TG: variants seen among roughly 807,000 people sequenced by gnomAD.
TG encodes thyroid hormones.
Under a neutral mutation model 324.7 loss-of-function variants are expected in TG, and 270 were observed. The ratio of observed to expected loss-of-function variants is 0.83; its 90% CI spans 0.75 to 0.92. The LOEUF (loss-of-function observed/expected upper bound fraction) is 0.92. Among genes scored for constraint, TG ranks in the 40% least tolerant of loss-of-function variants. The pLI, the probability that TG is intolerant of heterozygous loss-of-function variation, is 0.00. For synonymous variants in TG, 1,401 were observed against 1,327.0 expected, an observed-to-expected ratio of 1.06 and a Z score of -1.21; for missense variants, 3,591 against 3,456.4, an observed-to-expected ratio of 1.04 and a Z score of -0.98.
chr8:132,907,519 A>G (rs1818865168), intron 17 of TG, among the ~76,000 whole-genome samples: 1 of 152,128 alleles, frequency 6.6e-6, no homozygotes, highest in Non-Finnish European at 1.5e-5. Flanking sequence ...TGGGAAGGGC[A>G]TCTGGGAGAG....
intron 43 of TG, among the ~76,000 whole-genome samples, chr8:133,111,790 C>A (rs1318080867): frequency 6.6e-6 from 1 of 152,208 alleles, no homozygotes; most frequent in Non-Finnish European, 1.5e-5. Context: ...ACAGATTCAC[C>A]ATTCAGATCT....
intron 26 of TG, 79 bp from the exon 27 acceptor site, chr8:132,948,697 A>T: frequency 6.7e-7 from 1 of 1,484,506 alleles, no homozygotes; most frequent in East Asian, 2.3e-5. Flanking sequence ...TTATTTGCAA[A>T]TGCTCTCAGG....
intron 17 of TG, among the ~76,000 whole-genome samples, chr8:132,907,920 C>T (rs1818922780): frequency 6.6e-6 from 1 of 152,050 alleles, no homozygotes; most frequent in African/African-American, 2.4e-5. Context: ...GAAGATTTTC[C>T]AAGGAGAATG....
At chr8:133,061,430 CAT>C (rs199733258) in intron 41 of TG, among the ~76,000 whole-genome samples, 3,843 of 152,296 alleles carry the variant, frequency 0.025, 80 homozygotes, top group Non-Finnish European at 0.042. Context: ...GCATAGAATA[CAT>C]GTTAGTTATT....
In TG at chr8:133,003,413, T is replaced by A. The variant is rs150202672; in HGVS notation, c.6263-8488T>A. On this transcript the variant is annotated intron_variant, in intron 35 of 47. Coordinates refer to ENST00000220616, the MANE Select transcript of TG (RefSeq NM_003235.5). ...CACAGCCATCCCTCGGATACTTATTTTTTTTTTTTTTTGTGGTGAGAACAT... is the reference window on the plus strand; with the variant it reads ...CACAGCCATCCCTCGGATACTTATTATTTTTTTTTTTTGTGGTGAGAACAT... Among the ~76,000 whole-genome samples the A allele has an allele frequency of 6.5e-3, 977 of 151,294 alleles. 6 individuals are homozygous for A. Among genetic ancestry groups the A allele is most frequent in the Middle Eastern group, 0.024 (7 of 292 alleles).
intron 35 of TG, among the ~76,000 whole-genome samples, chr8:132,993,059 C>G (rs978709410): frequency 6.6e-6 from 1 of 152,188 alleles, no homozygotes; most frequent in Non-Finnish European, 1.5e-5. Context: ...AGATTTTGGG[C>G]TCCCAGAGGG....
chr8:132,980,156 T>A (rs1830646179), intron 34 of TG, among the ~76,000 whole-genome samples: 1 of 152,098 alleles, frequency 6.6e-6, no homozygotes, highest in African/African-American at 2.4e-5. Flanking sequence ...TATCTTTTTG[T>A]CTTCTAATAA....
chr8:133,021,887 A>G (rs1190406651), intron 39 of TG, 104 bp from the exon 40 acceptor site: 3 of 1,439,340 alleles, frequency 2.1e-6, no homozygotes, highest in Middle Eastern at 1.8e-4. Context: ...TAAGTATGCC[A>G]CAGAGCTGGC....
chr8:133,012,164 C>T (rs1834573486), intron 36 of TG, 129 bp downstream of exon 36: 2 of 1,380,726 alleles, frequency 1.4e-6, no homozygotes, highest in Non-Finnish European at 2.0e-6. Flanking sequence ...AAGGGATTAA[C>T]CTGGGGAAGA....
At chr8:132,943,938 T>C (rs1457641966) in intron 26 of TG, among the ~76,000 whole-genome samples, 1 of 152,202 alleles carries the variant, frequency 6.6e-6, no homozygotes, top group Non-Finnish European at 1.5e-5. Context: ...AATCCTTAGA[T>C]ATTGATAGGT....
chr8:132,965,252 G>A (rs1454311564), intron 29 of TG, among the ~76,000 whole-genome samples: 1 of 152,208 alleles, frequency 6.6e-6, no homozygotes, highest in African/African-American at 2.4e-5. Flanking sequence ...CACATGAGAT[G>A]CAGGCTGGGA....
chr8:133,129,740 A>G (rs1053826622), intron 45 of TG, among the ~76,000 whole-genome samples: 1 of 152,040 alleles, frequency 6.6e-6, no homozygotes, highest in Non-Finnish European at 1.5e-5. Context: ...CAAGCAATCC[A>G]CCTGCCTTGG....
At chr8:132,925,730 G>C (rs777273897) in intron 22 of TG, among the ~76,000 whole-genome samples, 5 of 152,192 alleles carry the variant, frequency 3.3e-5, no homozygotes, top group Non-Finnish European at 5.9e-5. Flanking sequence ...TGCGGCCCTG[G>C]TGATCACCAT....
At chr8:133,091,435 A>T (rs1291252755) in intron 41 of TG, among the ~76,000 whole-genome samples, 1 of 151,820 alleles carries the variant, frequency 6.6e-6, no homozygotes, top group Admixed American at 6.6e-5. Context: ...GAGCTGCCAG[A>T]CCTCCTGCTT....
At chr8:132,872,614 C>A (rs967661106) in intron 4 of TG, among the ~76,000 whole-genome samples, 1 of 152,054 alleles carries the variant, frequency 6.6e-6, no homozygotes, top group Non-Finnish European at 1.5e-5. Context: ...ACATGAATGT[C>A]CTTGGCTTTC....
At chr8:132,942,446 A>G (rs935409349) in intron 26 of TG, among the ~76,000 whole-genome samples, 2 of 152,220 alleles carry the variant, frequency 1.3e-5, no homozygotes, top group African/African-American at 4.8e-5. Context: ...AATTTATGAA[A>G]AATTCTAAAG....
At chr8:132,968,828 C>T (rs1879992) in intron 31 of TG, among the ~76,000 whole-genome samples, 104,283 of 152,098 alleles carry the variant, frequency 0.69, 35,976 homozygotes, top group East Asian at 0.85. Context: ...CCAAATAAAT[C>T]TGGAAAATGT....
chr8:132,964,721 C>G (rs1828292009), intron 29 of TG: 2 of 589,248 alleles, frequency 3.4e-6, no homozygotes, highest in Non-Finnish European at 6.0e-6. Context: ...TTTCATCCAA[C>G]CAGACATTTT....
intron 20 of TG, among the ~76,000 whole-genome samples, chr8:132,917,017 C>CCCTT (rs1820395225): frequency 1.5e-5 from 1 of 65,550 alleles, no homozygotes; most frequent in Admixed American, 2.0e-4. Flanking sequence ...CTCCCTTCCT[C>CCCTT]CCTCCATGCC....
Sources: gnomAD v4.1 joint callset for allele counts (sites outside exome capture counted in the v4.1 genomes callset) on GRCh38, gnomAD v4.1.1 for gene constraint, MANE v1.5 for transcripts, NCBI Gene and HGNC (gene_info 2026-07-23, HGNC 2026-07-21) for gene names.